Variants in MB21D2 observed in about 807,000 individuals in gnomAD.
MB21D2 encodes the protein Mab-21 domain containing 2.
In MB21D2, 9 loss-of-function variants were observed where a neutral mutation model predicts 33.3. The observed-to-expected ratio is 0.27, with a 90% CI of 0.16 to 0.47. MB21D2 has a LOEUF of 0.47. MB21D2 is among the 20% of genes least tolerant of loss of function. MB21D2 has a pLI of 0.99. For synonymous variants in MB21D2, 241 were observed against 236.3 expected (o/e 1.02, Z -0.18); for missense variants, 540 against 624.6 (o/e 0.86, Z 1.44).
At chr3:192,810,566 T>C (rs1711762499) in intron 1 of MB21D2, among the ~76,000 whole-genome samples, 1 of 152,210 alleles carries the variant, frequency 6.6e-6, no homozygotes, top group South Asian at 2.1e-4. Flanking sequence ...GTTTTACTGT[T>C]TACTTTAGAA....
At chr3:192,907,501 C>A (rs972897673) in intron 1 of MB21D2, among the ~76,000 whole-genome samples, 19 of 152,196 alleles carry the variant, frequency 1.2e-4, no homozygotes, top group Middle Eastern at 3.4e-3. Context: ...AGAAGACACC[C>A]AATAGCTGGG....
intron 1 of MB21D2, among the ~76,000 whole-genome samples, chr3:192,874,149 G>T (rs1713379788): frequency 6.6e-6 from 1 of 152,166 alleles, no homozygotes; most frequent in Non-Finnish European, 1.5e-5. Context: ...CATCCAGGGG[G>T]TCTAGCAATT....
At chr3:192,815,393 TA>T (rs1711898372) in intron 1 of MB21D2, among the ~76,000 whole-genome samples, 1 of 152,200 alleles carries the variant, frequency 6.6e-6, no homozygotes, top group African/African-American at 2.4e-5. Flanking sequence ...AGAGGCTTGT[TA>T]AAAATGCAGG....
At chr3:192,879,225 C>T (rs907371220) in intron 1 of MB21D2, among the ~76,000 whole-genome samples, 2 of 152,206 alleles carry the variant, frequency 1.3e-5, no homozygotes, top group African/African-American at 4.8e-5. Context: ...CTTTCTCTGC[C>T]TCCAGCGGTA....
At chr3:192,857,806 G>A (rs1205736764) in intron 1 of MB21D2, among the ~76,000 whole-genome samples, 1 of 152,118 alleles carries the variant, frequency 6.6e-6, no homozygotes, top group Non-Finnish European at 1.5e-5. Context: ...ATAAGTCAAT[G>A]GATCTGGCAA....
chr3:192,849,241 G>T (rs1162561808), intron 1 of MB21D2, among the ~76,000 whole-genome samples: 2 of 143,990 alleles, frequency 1.4e-5, no homozygotes, highest in Non-Finnish European at 3.0e-5. Flanking sequence ...TCTGTACTGT[G>T]AGACTCTTCC....
intron 1 of MB21D2, among the ~76,000 whole-genome samples, chr3:192,870,507 T>C (rs1357233776): frequency 1.3e-5 from 2 of 151,704 alleles, no homozygotes; most frequent in Non-Finnish European, 2.9e-5. Context: ...CCTGGAAACA[T>C]GGTGAAACCC....
intron 1 of MB21D2, among the ~76,000 whole-genome samples, chr3:192,899,089 C>T (rs1394951113): frequency 6.6e-6 from 1 of 152,234 alleles, no homozygotes; most frequent in African/African-American, 2.4e-5. Context: ...TTTACCTTAA[C>T]ATATAATGCA....
intron 1 of MB21D2, among the ~76,000 whole-genome samples, chr3:192,915,238 G>T (rs1283835587): frequency 6.6e-6 from 1 of 151,992 alleles, no homozygotes; most frequent in East Asian, 1.9e-4. Context: ...AACAAGCTAG[G>T]GGTCATTAAG....
chr3:192,832,809 C>CG (rs932281747), intron 1 of MB21D2, among the ~76,000 whole-genome samples: 2 of 151,950 alleles, frequency 1.3e-5, no homozygotes, highest in South Asian at 2.1e-4. Context: ...AAAAGGGGAC[C>CG]GGGGGGAAGA....
At chr3:192,863,164 C>T (rs1188676811) in intron 1 of MB21D2, among the ~76,000 whole-genome samples, 1 of 152,156 alleles carries the variant, frequency 6.6e-6, no homozygotes. Flanking sequence ...AGATAAGGAA[C>T]ACCAAGGGTT....
At chr3:192,822,072 A>G (rs1712071990) in intron 1 of MB21D2, among the ~76,000 whole-genome samples, 1 of 152,068 alleles carries the variant, frequency 6.6e-6, no homozygotes. Flanking sequence ...TTCTAAACAA[A>G]CAAGTGTATA....
At chr3:192,868,563 G>A (rs1013295283) in intron 1 of MB21D2, among the ~76,000 whole-genome samples, 1 of 151,996 alleles carries the variant, frequency 6.6e-6, no homozygotes, top group Non-Finnish European at 1.5e-5. Context: ...TTAATGGAAA[G>A]AGGATTTTCA....
intron 1 of MB21D2, among the ~76,000 whole-genome samples, chr3:192,838,940 G>A (rs1712510600): frequency 6.6e-6 from 1 of 152,144 alleles, no homozygotes; most frequent in Non-Finnish European, 1.5e-5. Context: ...AGGAGCAGAG[G>A]CACATAGTGT....
intron 1 of MB21D2, among the ~76,000 whole-genome samples, chr3:192,826,444 T>C (rs1430819476): frequency 2.0e-5 from 3 of 152,236 alleles, no homozygotes; most frequent in African/African-American, 7.2e-5. Context: ...TGCCAGTTGG[T>C]ATTTTGCCAG....
At position 192,799,602 on chromosome 3, in the gene MB21D2, AG is replaced by A; in HGVS notation, c.259del (p.Leu87CysfsTer16). 6.2e-7 allele frequency: 1 copy of A among 1,614,098 alleles called. No homozygotes were observed. Among genetic ancestry groups the A allele is most frequent in the Non-Finnish European group, 8.5e-7 (1 of 1,179,994 alleles). On this transcript the variant is annotated frameshift_variant, in exon 2 of 2. Transcript: ENST00000392452. LOFTEE classifies it high-confidence loss of function. This position sits in a 1 kb window ranked among gnomAD's most constrained non-coding sequence, Gnocchi z 4.1. ...DQKLPVANEY[L>X]LLSGGVREGV... ...TTCCCGGACACCTCCAGAGAGCAAC[AG>A]GTATTCATTAGCCACTGGAAGCTTT...
intron 1 of MB21D2, among the ~76,000 whole-genome samples, chr3:192,861,763 C>G (rs972650928): frequency 1.3e-5 from 2 of 152,108 alleles, no homozygotes; most frequent in African/African-American, 2.4e-5. Context: ...CAAGATCACG[C>G]CATTGCACTC....
chr3:192,904,479 A>T (rs556897766), intron 1 of MB21D2, among the ~76,000 whole-genome samples: 4 of 152,350 alleles, frequency 2.6e-5, no homozygotes, highest in South Asian at 4.1e-4. Context: ...AAAAATCCAC[A>T]ACATCTAAAG....
chr3:192,865,270 T>C (rs1219068040), intron 1 of MB21D2, among the ~76,000 whole-genome samples: 1 of 152,204 alleles, frequency 6.6e-6, no homozygotes, highest in Non-Finnish European at 1.5e-5. Flanking sequence ...TCAGCATGAA[T>C]GAGGCTGGAA....
Sources: gnomAD v4.1 joint callset for allele counts (sites outside exome capture counted in the v4.1 genomes callset) on GRCh38, gnomAD v4.1.1 for gene constraint, Gnocchi (gnomAD v3.1) non-coding constraint, MANE v1.5 for transcripts, NCBI Gene and HGNC (gene_info 2026-07-23, HGNC 2026-07-21) for gene names.